Variants in PLEKHM3 observed in about 807,000 individuals in gnomAD.
The protein encoded by PLEKHM3 is pleckstrin homology domain-containing family M member 3.
PLEKHM3 carries 45 observed loss-of-function variants against 81.8 expected under a neutral mutation model. The observed-to-expected ratio is 0.55, with a 90% CI of 0.43 to 0.71. The LOEUF is 0.71. Among genes scored for constraint, PLEKHM3 ranks in the 30% least tolerant of loss-of-function variants. PLEKHM3 has a pLI of 0.00. For synonymous variants in PLEKHM3, 352 were observed against 356.4 expected (o/e 0.99, Z 0.14); for missense variants, 788 against 924.3 (o/e 0.85, Z 1.91).
intron 7 of PLEKHM3, among the ~76,000 whole-genome samples, chr2:207,846,511 A>T (rs1054874184): frequency 2.0e-5 from 3 of 151,308 alleles, no homozygotes; most frequent in Non-Finnish European, 2.9e-5. Flanking sequence ...GCCAATTAAA[A>T]TTTTTTTCCT....
rs916614056 is a variant in PLEKHM3, at chr2:207,827,975, G to A, written c.*344C>T. On this transcript the variant is annotated 3_prime_UTR_variant, in exon 8 of 8. Transcript: ENST00000427836. Reference sequence around the variant, plus strand: ...CCTTTTGTGTCTTGGGTAATAAAATGTACCGAGAGACAGAGAGAAAAAAAA... The same window carrying A: ...CCTTTTGTGTCTTGGGTAATAAAATATACCGAGAGACAGAGAGAAAAAAAA... 2 of 159,898 alleles carry A rather than the reference G, an allele frequency of 1.3e-5. No homozygotes were observed. Among genetic ancestry groups the A allele is most frequent in the African/African-American group, 4.8e-5 (2 of 41,716 alleles). 9.9% of individuals were successfully genotyped at this position (159,898 alleles called of 1,614,324 possible). A position where few individuals can be genotyped will look rare whatever the true frequency, so the allele number is the denominator to read the frequency against.
At position 207,976,013 on chromosome 2, in the gene PLEKHM3, C is replaced by T. The variant is rs1160232172; in HGVS notation, c.1546+638G>A. ...AAAATAAGATTGTTGACCTCAAACT[C>T]CACTTTGCATCTCATCCTTACATAG... On this transcript the variant is annotated intron_variant, in intron 3 of 7. Coordinates refer to ENST00000427836, the MANE Select transcript of PLEKHM3 (RefSeq NM_001080475.3). The surrounding 1 kb of genome is among the most constrained non-coding windows in gnomAD (Gnocchi z 4.1). Among the ~76,000 whole-genome samples, 5 of 151,860 alleles carry T rather than the reference C, an allele frequency of 3.3e-5. No individual in the cohort carries two copies. Among genetic ancestry groups the T allele is most frequent in the African/African-American group, 1.2e-4 (5 of 41,396 alleles).
intron 6 of PLEKHM3, among the ~76,000 whole-genome samples, chr2:207,906,858 T>C (rs1053414251): frequency 6.6e-6 from 1 of 152,152 alleles, no homozygotes; most frequent in African/African-American, 2.4e-5. Context: ...TCTTAAGTTA[T>C]TAAACTAAAA....
At chr2:207,970,236 G>A (rs1691067805) in intron 3 of PLEKHM3, among the ~76,000 whole-genome samples, 1 of 151,910 alleles carries the variant, frequency 6.6e-6, no homozygotes, top group Non-Finnish European at 1.5e-5. Context: ...GAAAGAGGAG[G>A]TAGGGTGGGG....
intron 2 of PLEKHM3, among the ~76,000 whole-genome samples, chr2:207,992,910 T>C (rs893622673): frequency 2.0e-4 from 31 of 152,158 alleles, no homozygotes; most frequent in African/African-American, 6.5e-4. Context: ...CTTTCAAAAA[T>C]GGCAAAAAGG....
chr2:207,922,681 G>A (rs1016381274), intron 5 of PLEKHM3, among the ~76,000 whole-genome samples: 2 of 152,070 alleles, frequency 1.3e-5, no homozygotes, highest in African/African-American at 4.8e-5. Flanking sequence ...GCGTGGTGGC[G>A]GGCGCCTGTA....
At chr2:207,935,204 C>A (rs998588358) in intron 4 of PLEKHM3, among the ~76,000 whole-genome samples, 5 of 152,188 alleles carry the variant, frequency 3.3e-5, no homozygotes, top group Non-Finnish European at 7.3e-5. Flanking sequence ...ATGCCACACA[C>A]CACTTTGTTT....
chr2:207,880,050 TATAAC>T (rs2092578605), intron 6 of PLEKHM3, among the ~76,000 whole-genome samples: 1 of 152,170 alleles, frequency 6.6e-6, no homozygotes, highest in African/African-American at 2.4e-5. Context: ...TATTTAAGAT[TATAAC>T]ATAAGTTAAT....
intron 4 of PLEKHM3, among the ~76,000 whole-genome samples, chr2:207,944,518 T>C (rs969346868): frequency 1.3e-5 from 2 of 152,206 alleles, no homozygotes; most frequent in African/African-American, 4.8e-5. Flanking sequence ...GACAGGATTA[T>C]TGCATAATCA....
At chr2:207,874,591 A>C (rs1470309945) in intron 6 of PLEKHM3, among the ~76,000 whole-genome samples, 1 of 151,194 alleles carries the variant, frequency 6.6e-6, no homozygotes, top group Non-Finnish European at 1.5e-5. Flanking sequence ...AAACAAAAAA[A>C]CTGTATTTTC....
At position 207,823,266 on chromosome 2, in the gene PLEKHM3, G is replaced by A. The variant is rs2092229539; in HGVS notation, c.*5053C>T. 1 of 151,616 alleles carries A rather than the reference G, an allele frequency of 6.6e-6. No homozygotes were observed. Among genetic ancestry groups the A allele is most frequent in the South Asian group, 2.1e-4 (1 of 4,796 alleles). 9.4% of individuals were successfully genotyped at this position (151,616 alleles called of 1,614,324 possible). On this transcript the variant is annotated 3_prime_UTR_variant, in exon 8 of 8. Coordinates refer to ENST00000427836, the MANE Select transcript of PLEKHM3 (RefSeq NM_001080475.3). ...TCCATCACACCAGCGGCCACTTTAC[G>A]AAGACAGTGCCACAAAACATGATCA...
At chr2:207,928,186 G>A (rs891218301) in intron 5 of PLEKHM3, among the ~76,000 whole-genome samples, 1 of 152,162 alleles carries the variant, frequency 6.6e-6, no homozygotes, top group South Asian at 2.1e-4. Flanking sequence ...AAATAAAGCA[G>A]TGCTTCCTCA....
intron 2 of PLEKHM3, among the ~76,000 whole-genome samples, chr2:207,983,302 C>T (rs542877841): frequency 2.6e-5 from 4 of 152,090 alleles, no homozygotes; most frequent in Admixed American, 1.3e-4. Flanking sequence ...CCGCCCGCCT[C>T]GGCCTCCCAA....
chr2:207,977,209 G>C lies in PLEKHM3; in HGVS notation c.988C>G (p.His330Asp), dbSNP rs765072707. 1.9e-6 allele frequency: 3 copies of C among 1,614,034 alleles called. No individual in the cohort carries two copies. Among genetic ancestry groups the C allele is most frequent in the African/African-American group, 2.7e-5 (2 of 74,918 alleles). Reference protein sequence around the residue: ...ELTISPGLGHHDDYTQNHSFQ... With the variant: ...ELTISPGLGHDDDYTQNHSFQ... ...CTATGATTCTGTGTATAGTCATCAT[G>C]ATGGCCAAGCCCTGGTGAGATTGTC... is the stretch of plus-strand genomic sequence containing the variant. The change falls in exon 3 of 8, where the codon CAT becomes GAT. Residue 330 changes from histidine to aspartate, a missense_variant. By Grantham distance (81) the His-to-Asp change is moderately conservative. Coordinates refer to ENST00000427836, the MANE Select transcript of PLEKHM3 (RefSeq NM_001080475.3).
intron 6 of PLEKHM3, among the ~76,000 whole-genome samples, chr2:207,880,900 G>C (rs1049577219): frequency 1.4e-5 from 2 of 145,134 alleles, no homozygotes; most frequent in African/African-American, 5.1e-5. Flanking sequence ...CCAAAGATTT[G>C]TGTTTTTTAA....
At chr2:207,901,206 T>C (rs574824780) in intron 6 of PLEKHM3, 48 of 701,678 alleles carry the variant, frequency 6.8e-5, no homozygotes, top group East Asian at 4.0e-4. Context: ...AGGCAGTGAC[T>C]TTGTCCTTAG....
intron 6 of PLEKHM3, among the ~76,000 whole-genome samples, chr2:207,871,867 A>T (rs2092536516): frequency 6.6e-6 from 1 of 152,224 alleles, no homozygotes; most frequent in Non-Finnish European, 1.5e-5. Flanking sequence ...AAATTCTCAT[A>T]GATGGTCAGC....
chr2:207,875,035 T>C (rs1206643551), intron 6 of PLEKHM3, among the ~76,000 whole-genome samples: 1 of 151,998 alleles, frequency 6.6e-6, no homozygotes, highest in African/African-American at 2.4e-5. Context: ...GTGGGGTAAA[T>C]ATTTTGTAAT....
chr2:207,978,908 AT>A (rs1402574737), intron 2 of PLEKHM3, among the ~76,000 whole-genome samples: 1 of 152,082 alleles, frequency 6.6e-6, no homozygotes, highest in Non-Finnish European at 1.5e-5. Flanking sequence ...TAAGTCTTAA[AT>A]TTTTTTTAAG....
Sources: allele counts gnomAD v4.1 joint callset (sites outside exome capture counted in the v4.1 genomes callset), GRCh38; gene constraint gnomAD v4.1.1; non-coding constraint Gnocchi (gnomAD v3.1); transcripts MANE v1.5; gene names NCBI Gene and HGNC (gene_info 2026-07-23, HGNC 2026-07-21).